UNC80: variants seen among roughly 807,000 people sequenced by gnomAD.
UNC80 encodes the protein unc-80 subunit of NALCN channel complex, also known as protein unc-80 homolog.
UNC80 carries 164 observed loss-of-function variants against 384.6 expected under a neutral mutation model. The ratio of observed to expected loss-of-function variants is 0.43; its 90% CI spans 0.38 to 0.49. UNC80 has a LOEUF of 0.49. Ranked by LOEUF, UNC80 falls within the 20% of genes least tolerant of loss-of-function variation. UNC80 has a pLI of 0.00. For missense variants in UNC80, 3,330 were observed against 4,143.0 expected, an observed-to-expected ratio of 0.80 and a Z score of 5.39; for synonymous variants, 1,486 against 1,527.8, an observed-to-expected ratio of 0.97 and a Z score of 0.64.
chr2:209,827,253 G>T (rs1474752435), intron 14 of UNC80, among the ~76,000 whole-genome samples: 1 of 152,010 alleles, frequency 6.6e-6, no homozygotes, highest in Non-Finnish European at 1.5e-5. Context: ...ATTACAGTAT[G>T]AATAAATGCC....
intron 4 of UNC80, among the ~76,000 whole-genome samples, chr2:209,782,971 C>T (rs948565848): frequency 2.0e-5 from 3 of 150,990 alleles, no homozygotes; most frequent in African/African-American, 7.3e-5. Flanking sequence ...GTTCAATGTG[C>T]TGGAGAAACA....
At chr2:209,878,267 C>T (rs1356504836) in intron 24 of UNC80, among the ~76,000 whole-genome samples, 178 bp downstream of exon 24, 2 of 152,128 alleles carry the variant, frequency 1.3e-5, no homozygotes, top group East Asian at 3.8e-4. Context: ...CACACAGAGA[C>T]AAGGCAAGAA....
chr2:209,923,730 A>G (rs2090220654), intron 35 of UNC80, among the ~76,000 whole-genome samples: 1 of 151,978 alleles, frequency 6.6e-6, no homozygotes, highest in Admixed American at 6.6e-5. Flanking sequence ...TAACATAGAT[A>G]CTCCACATCA....
At chr2:209,972,451 G>A (rs761127018) in intron 55 of UNC80, 127 bp downstream of exon 55, 12 of 1,284,474 alleles carry the variant, frequency 9.3e-6, no homozygotes, top group Admixed American at 6.2e-5. Flanking sequence ...TTTAAATAGG[G>A]TCATCTTAGG....
At chr2:209,825,477 C>T (rs145286167) in intron 13 of UNC80, among the ~76,000 whole-genome samples, 1,824 of 152,232 alleles carry the variant, frequency 0.012, 39 homozygotes, top group African/African-American at 0.04. Context: ...AATTTCGAAG[C>T]TCCAGACTTT....
intron 5 of UNC80, among the ~76,000 whole-genome samples, chr2:209,787,133 C>T (rs2077490597): frequency 9.0e-6 from 1 of 111,250 alleles, no homozygotes; most frequent in African/African-American, 5.2e-5. Flanking sequence ...TAATTTAACA[C>T]ATATATAAAA....
intron 4 of UNC80, among the ~76,000 whole-genome samples, chr2:209,785,536 G>A (rs1290440992): frequency 6.6e-6 from 1 of 152,096 alleles, no homozygotes; most frequent in Admixed American, 6.6e-5. Context: ...AGAAATTAAA[G>A]GTTGTTAAGA....
chr2:209,978,703 A>G lies in UNC80; in HGVS notation c.9113A>G (p.Glu3038Gly). ...CTGAGTCGGACTGATGAGGAAGATG[A>G]GGAAAGTAGGTCATTCCAGAGAATC... ...DTLSRTDEED[E>G]ENDSISMPSV... The change falls in exon 59 of 65, where the codon GAG (glutamate) becomes GGG (glycine). Residue 3038 changes from glutamate to glycine, a missense_variant. Physicochemically the swap from Glu to Gly is moderately conservative, Grantham distance 98. Coordinates refer to ENST00000673920, the MANE Select transcript of UNC80 (RefSeq NM_001371986.1). The G allele has an allele frequency of 6.5e-7, 1 of 1,533,084 alleles. No individual in the cohort carries two copies. Among genetic ancestry groups the G allele is most frequent in the East Asian group, 2.5e-5 (1 of 40,514 alleles). The allele number at this position is 1,533,084 out of a possible 1,614,324, so 95.0% of individuals were successfully genotyped here. A position where few individuals can be genotyped will look rare whatever the true frequency, so the allele number is the denominator to read the frequency against.
At chr2:209,809,980 CCCACTCCT>C (rs2079213822) in intron 7 of UNC80, among the ~76,000 whole-genome samples, 1 of 152,176 alleles carries the variant, frequency 6.6e-6, no homozygotes, top group South Asian at 2.1e-4. Context: ...GGGGACCCTC[CCCACTCCT>C]TCCCCGAAGG....
In UNC80 at chr2:209,878,556, T is replaced by C. The variant is rs1226827213; in HGVS notation, c.3976+467T>C. Among the ~76,000 whole-genome samples the C allele has an allele frequency of 2.0e-5, 3 of 152,204 alleles. No homozygotes were observed. In the East Asian group the frequency reaches 5.8e-4, roughly 29 times the overall value. ...AAATTTTAAACAGAGTATATTATAG[T>C]ATTTAACATGACACTTAAATATTAA... On this transcript the variant is annotated intron_variant, in intron 24 of 64. Transcript: ENST00000673920.
intron 4 of UNC80, among the ~76,000 whole-genome samples, chr2:209,781,611 A>G (rs765056156): frequency 6.6e-6 from 1 of 152,070 alleles, no homozygotes. Context: ...TGTCTGTTCT[A>G]TCTCTATTGA....
chr2:209,972,915 G>A, intron 55 of UNC80, 149 bp from the exon 56 acceptor site: 1 of 685,670 alleles, frequency 1.5e-6, no homozygotes, highest in Non-Finnish European at 2.4e-6. Flanking sequence ...TCTGTCCATT[G>A]GTGAAGCTGT....
At chr2:209,915,737 G>C (rs2089464572) in intron 31 of UNC80, among the ~76,000 whole-genome samples, 2 of 152,200 alleles carry the variant, frequency 1.3e-5, no homozygotes, top group Non-Finnish European at 2.9e-5. Flanking sequence ...TTGTTGTAGA[G>C]GAAGGATGAG....
At chr2:209,937,389 G>A (rs774000685) in intron 41 of UNC80, 140 bp from the exon 42 acceptor site, 13 of 634,774 alleles carry the variant, frequency 2.0e-5, no homozygotes, top group Non-Finnish European at 3.6e-5. Flanking sequence ...ATCTTCCAGA[G>A]TGTTGTTTAG....
chr2:209,946,035 T>C, intron 47 of UNC80, 92 bp downstream of exon 47: 1 of 937,042 alleles, frequency 1.1e-6, no homozygotes, highest in Non-Finnish European at 1.6e-6. Context: ...CTGATTAATA[T>C]CAGACTAACA....
chr2:209,992,220 G>A lies in UNC80; in HGVS notation c.9369G>A (p.Pro3123=), dbSNP rs1487132681. 31 of 1,551,462 alleles carry A rather than the reference G, an allele frequency of 2.0e-5. No homozygotes were observed. The highest frequency in any genetic ancestry group is 2.4e-5 in the East Asian group (1 of 40,930). The part of the protein sequence containing the change: ...PGQQNLLVQQ[P]LGRKRGLRQL... ...AACAGAACCTCCTTGTTCAGCAGCC[G>A]CTGGGGAGGAAGAGGGGCCTGAGGC... Residue 3123 remains proline (P), a synonymous_variant, in exon 62 of 65, where the codon CCG becomes CCA. Transcript: ENST00000673920.
chr2:209,817,691 G>T lies in UNC80; in HGVS notation c.1553-121G>T. On this transcript the variant is annotated intron_variant, in intron 10 of 64. Coordinates refer to ENST00000673920, the MANE Select transcript of UNC80 (RefSeq NM_001371986.1). ...AGTTCAGTTCTTGCTTTTTTTGTCTGTGTTTCACACTTTTCCTAACAGCCC... is the reference window on the plus strand; with the variant it reads ...AGTTCAGTTCTTGCTTTTTTTGTCTTTGTTTCACACTTTTCCTAACAGCCC... 2.0e-5 allele frequency: 25 copies of T among 1,241,124 alleles called. No individual in the cohort carries two copies. In the Admixed American group the frequency reaches 2.9e-4, roughly 14 times the overall value. 76.9% of individuals were successfully genotyped at this position (1,241,124 alleles called of 1,614,324 possible). A position where few individuals can be genotyped will look rare whatever the true frequency, so the allele number is the denominator to read the frequency against.
intron 35 of UNC80, among the ~76,000 whole-genome samples, chr2:209,922,935 A>G (rs1480721655): frequency 1.3e-5 from 2 of 152,190 alleles, no homozygotes; most frequent in African/African-American, 4.8e-5. Context: ...GACCATATGT[A>G]TATCTTCTTT....
In UNC80 at chr2:209,982,187, A is replaced by T. The variant is rs891223670; in HGVS notation, c.9127A>T (p.Ile3043Leu). Residue 3043 changes from isoleucine to leucine, a missense_variant, in exon 60 of 65, where the codon ATA becomes TTA. Physicochemically the swap from Ile to Leu is conservative, Grantham distance 5. Transcript: ENST00000673920. ...TCCTTTGCCCCTTTTAGATGACTCT[A>T]TAAGCATGCCCAGCGTGGTAAGTGA... The part of the protein sequence containing the change: ...TDEEDEENDS[I>L]SMPSVVSEQE... 1.9e-6 allele frequency: 3 copies of T among 1,551,342 alleles called. No individual in the cohort carries two copies. Among genetic ancestry groups the T allele is most frequent in the African/African-American group, 2.7e-5 (2 of 73,028 alleles).
Sources: gnomAD v4.1 joint callset for allele counts (sites outside exome capture counted in the v4.1 genomes callset) on GRCh38, gnomAD v4.1.1 for gene constraint, MANE v1.5 for transcripts, NCBI Gene and HGNC (gene_info 2026-07-23, HGNC 2026-07-21) for gene names.